SOCS2: variants seen among roughly 807,000 people sequenced by gnomAD.
The protein encoded by SOCS2 is suppressor of cytokine signaling 2.
Under a neutral mutation model 18.6 loss-of-function variants are expected in SOCS2, and 10 were observed. The ratio of observed to expected loss-of-function variants is 0.54; its 90% CI spans 0.33 to 0.91. The LOEUF is 0.91. Among genes scored for constraint, SOCS2 ranks in the 40% least tolerant of loss-of-function variants. The probability of loss-of-function intolerance (pLI) is 0.02; values close to 1 mark genes in which losing one functional copy is unlikely to be tolerated. For synonymous variants in SOCS2, 104 were observed against 104.0 expected (o/e 1.00, Z 0.00); for missense variants, 231 against 247.2 (o/e 0.93, Z 0.44).
chr12:93,607,332 C>G, the SOCS2 span, among the ~76,000 whole-genome samples: 2 of 152,172 alleles, frequency 1.3e-5, no homozygotes, highest in African/African-American at 2.4e-5. Flanking sequence ...CCATGAAACA[C>G]AATTTGATAA....
At chr12:93,572,370 C>T (rs764766019), upstream of SOCS2, 48 of 314,406 alleles carry the variant, frequency 1.5e-4, no homozygotes, top group Non-Finnish European at 2.7e-4. This position sits in a 1 kb window ranked among gnomAD's most constrained non-coding sequence, Gnocchi z 5.0. Context: ...CCCACTGGAT[C>T]TGCAGGTGAC....
In SOCS2 at chr12:93,572,937, G is replaced by A. The variant is rs1038302501; in HGVS notation, c.40G>A (p.Glu14Lys). Reference sequence around the variant, plus strand: ...CCTTGAGCCCTCCGGGAATGGCGGGGAAGGGACGCGGAGCCAGTGGGGGAC... The same window carrying A: ...CCTTGAGCCCTCCGGGAATGGCGGGAAAGGGACGCGGAGCCAGTGGGGGAC... ...RCLEPSGNGG[E>K]GTRSQWGTAG... Residue 14 changes from glutamate (E) to lysine (K), a missense_variant, in exon 1 of 2, where the codon GAA becomes AAA. This residue lies in a region of SOCS2 where 106 missense variants were observed against 103.8 expected (regional missense o/e 1.02). Transcript: ENST00000551556. This position sits in a 1 kb window ranked among gnomAD's most constrained non-coding sequence, Gnocchi z 5.0. 4.5e-6 allele frequency: 7 copies of A among 1,572,696 alleles called. No homozygotes were observed. The highest frequency in any genetic ancestry group is 5.2e-6 in the Non-Finnish European group (6 of 1,158,002).
At chr12:93,597,684 T>A in the SOCS2 span, among the ~76,000 whole-genome samples, 1 of 152,222 alleles carries the variant, frequency 6.6e-6, no homozygotes, top group Non-Finnish European at 1.5e-5. Context: ...ACAGGGAATA[T>A]TGTAACAATA....
At chr12:93,583,683 C>T (rs1954566080), downstream of SOCS2, among the ~76,000 whole-genome samples, 1 of 152,100 alleles carries the variant, frequency 6.6e-6, no homozygotes, top group African/African-American at 2.4e-5. Context: ...TTGGGCAGGC[C>T]ATGGGTTTTA....
chr12:93,604,632 G>T, the SOCS2 span, among the ~76,000 whole-genome samples: 1 of 152,070 alleles, frequency 6.6e-6, no homozygotes, highest in Non-Finnish European at 1.5e-5. Context: ...ATTTTTGCAT[G>T]TTGGGTTTTT....
the SOCS2 span, among the ~76,000 whole-genome samples, chr12:93,612,098 G>A: frequency 6.6e-6 from 1 of 152,076 alleles, no homozygotes; most frequent in East Asian, 1.9e-4. Flanking sequence ...ACGACCCTGT[G>A]AGCAACACCT....
At chr12:93,573,184 C>T (rs1954323638) in intron 1 of SOCS2, 148 bp downstream of exon 1, 1 of 1,057,138 alleles carries the variant, frequency 9.5e-7, no homozygotes, top group Non-Finnish European at 1.3e-6. Flanking sequence ...CTCGCAGGGT[C>T]CTGGGTCCTT....
chr12:93,578,866 A>G (rs1954500731), downstream of SOCS2, among the ~76,000 whole-genome samples: 1 of 152,140 alleles, frequency 6.6e-6, no homozygotes, highest in Admixed American at 6.5e-5. Context: ...AGTTCTCTTA[A>G]CATCATATAT....
At chr12:93,603,911 TATTA>T in the SOCS2 span, among the ~76,000 whole-genome samples, 1 of 152,190 alleles carries the variant, frequency 6.6e-6, no homozygotes, top group East Asian at 1.9e-4. Flanking sequence ...GATTGGCATG[TATTA>T]TCAGAGTAGC....
the SOCS2 span, among the ~76,000 whole-genome samples, chr12:93,612,080 A>C: frequency 6.6e-6 from 1 of 152,016 alleles, no homozygotes; most frequent in Admixed American, 6.6e-5. Context: ...ATTCCAGGAG[A>C]TGCTAGAACG....
chr12:93,575,194 T>C lies in SOCS2; in HGVS notation c.*15T>C, dbSNP rs1307545490. 1 of 1,512,966 alleles carries C rather than the reference T, an allele frequency of 6.6e-7. No individual in the cohort carries two copies. The highest frequency in any genetic ancestry group is 2.3e-5 in the Admixed American group (1 of 44,094). 93.7% of individuals were successfully genotyped at this position (1,512,966 alleles called of 1,614,324 possible). On this transcript the variant is annotated 3_prime_UTR_variant, in exon 2 of 2. Coordinates refer to ENST00000551556, the MANE Select transcript of SOCS2 (RefSeq NM_001270471.2). ...TCCAGGTATAAATGTTTCTCTTTTT[T>C]TAAACATGTCTCACATAGAGTATCT... is the stretch of plus-strand genomic sequence containing the variant.
At chr12:93,594,699 A>G in the SOCS2 span, among the ~76,000 whole-genome samples, 1 of 152,170 alleles carries the variant, frequency 6.6e-6, no homozygotes, top group Non-Finnish European at 1.5e-5. Flanking sequence ...GATAATATAA[A>G]TATATGTTTG....
chr12:93,625,367 A>C, the SOCS2 span, among the ~76,000 whole-genome samples: 1 of 152,184 alleles, frequency 6.6e-6, no homozygotes, highest in Non-Finnish European at 1.5e-5. Flanking sequence ...CATGCAATTG[A>C]AATAAAGGTA....
rs565518361 is a variant in SOCS2 at position 93,576,182 on chromosome 12, A to G, written c.*1003A>G. On this transcript the variant is annotated 3_prime_UTR_variant, in exon 2 of 2. Coordinates refer to ENST00000551556, the MANE Select transcript of SOCS2 (RefSeq NM_001270471.2). ...GTTACTATTTGATTAGAATGTATTAAATAAAAAAAACCTGATTTCTACAAG... is the reference window on the plus strand; with the variant it reads ...GTTACTATTTGATTAGAATGTATTAGATAAAAAAAACCTGATTTCTACAAG... The G allele has an allele frequency of 6.5e-6, 1 of 152,794 alleles. No individual in the cohort carries two copies. Among genetic ancestry groups the G allele is most frequent in the Non-Finnish European group, 1.5e-5 (1 of 68,040 alleles). 9.5% of individuals were successfully genotyped at this position (152,794 alleles called of 1,614,324 possible).
chr12:93,600,730 T>C, the SOCS2 span, among the ~76,000 whole-genome samples: 1 of 151,540 alleles, frequency 6.6e-6, no homozygotes, highest in East Asian at 1.9e-4. Context: ...TTTTTTTTAC[T>C]ATTGTTAATG....
the SOCS2 span, among the ~76,000 whole-genome samples, chr12:93,619,715 T>C: frequency 2.8e-4 from 43 of 152,184 alleles, no homozygotes; most frequent in Admixed American, 4.6e-4. Flanking sequence ...CAACTGAGGT[T>C]CCAAGTGTTT....
At chr12:93,577,111 ACT>A (rs1197348925), downstream of SOCS2, among the ~76,000 whole-genome samples, 1 of 152,106 alleles carries the variant, frequency 6.6e-6, no homozygotes, top group African/African-American at 2.4e-5. Flanking sequence ...TGTTTTGAAC[ACT>A]CTATTTCTCA....
At chr12:93,584,965 G>C (rs746253654), downstream of SOCS2, among the ~76,000 whole-genome samples, 2 of 152,064 alleles carry the variant, frequency 1.3e-5, no homozygotes, top group Non-Finnish European at 2.9e-5. Flanking sequence ...GTTTCACCAT[G>C]TTGGCCAGGC....
the SOCS2 span, among the ~76,000 whole-genome samples, chr12:93,614,478 C>CCTTTCCTTCCTTCCTTCCTT: frequency 2.6e-4 from 13 of 49,424 alleles, 1 homozygote; most frequent in East Asian, 8.1e-4. Context: ...TTCCTTCCTT[C>CCTTTCCTTCCTTCCTTCCTT]CTTTCCTTCC....
Sources: allele counts gnomAD v4.1 joint callset (sites outside exome capture counted in the v4.1 genomes callset), GRCh38; gene constraint gnomAD v4.1.1; regional missense constraint gnomAD v4.1.1; non-coding constraint Gnocchi (gnomAD v3.1); transcripts MANE v1.5; gene names NCBI Gene and HGNC (gene_info 2026-07-23, HGNC 2026-07-21).